Variants in HS1BP3 observed in about 807,000 individuals in gnomAD.
HS1BP3 encodes HCLS1 binding protein 3.
Under a neutral mutation model 33.5 loss-of-function variants are expected in HS1BP3, and 32 were observed. The ratio of observed to expected loss-of-function variants is 0.95; its 90% CI spans 0.72 to 1.28. The LOEUF (loss-of-function observed/expected upper bound fraction) is 1.28, where lower values mean the gene tolerates loss of function less well. Among genes scored for constraint, HS1BP3 ranks in the 50% most tolerant of loss-of-function variants. The pLI is 0.00. For missense variants in HS1BP3, 486 were observed against 502.3 expected (o/e 0.97, Z 0.31); for synonymous variants, 187 against 209.2 (o/e 0.89, Z 0.92).
chr2:20,641,317 G>C, intron 2 of HS1BP3, 137 bp from the exon 3 acceptor site: 1 of 705,150 alleles, frequency 1.4e-6, no homozygotes, highest in Non-Finnish European at 2.4e-6. Flanking sequence ...CCCTCTGCCT[G>C]TCTCCCAGCC....
chr2:20,626,499 G>A (rs1694788783), intron 4 of HS1BP3, among the ~76,000 whole-genome samples: 2 of 152,234 alleles, frequency 1.3e-5, no homozygotes, highest in Non-Finnish European at 2.9e-5. Context: ...TCATACTCAT[G>A]GTCCTATCCT....
chr2:20,593,136 A>T (rs867774942), intron 3 of HS1BP3, among the ~76,000 whole-genome samples: 9 of 149,712 alleles, frequency 6.0e-5, no homozygotes, highest in African/African-American at 1.7e-4. Context: ...GCCTTGGCAG[A>T]TGCTGGCCTT....
chr2:20,567,187 A>C (rs1202746790), intron 5 of HS1BP3, among the ~76,000 whole-genome samples: 1 of 151,864 alleles, frequency 6.6e-6, no homozygotes, highest in Non-Finnish European at 1.5e-5. Context: ...GATGTTACTG[A>C]GAAAAGGTCA....
intron 2 of HS1BP3, among the ~76,000 whole-genome samples, chr2:20,606,850 T>C (rs1694193442): frequency 6.6e-6 from 1 of 152,236 alleles, no homozygotes; most frequent in Admixed American, 6.5e-5. Flanking sequence ...TTCTAGACAC[T>C]AGATCCTTAA....
At chr2:20,571,045 T>G (rs1171611672) in intron 5 of HS1BP3, among the ~76,000 whole-genome samples, 1 of 152,144 alleles carries the variant, frequency 6.6e-6, no homozygotes, top group South Asian at 2.1e-4. Context: ...GTGAGGACAC[T>G]GGGGAGGGTC....
downstream of HS1BP3, among the ~76,000 whole-genome samples, chr2:20,556,366 C>G (rs1692840855): frequency 3.9e-5 from 6 of 152,124 alleles, 1 homozygote; most frequent in South Asian, 1.2e-3. Flanking sequence ...TCCTGACTGC[C>G]CATTCTGTAA....
chr2:20,574,744 A>C (rs1005811649), intron 5 of HS1BP3, among the ~76,000 whole-genome samples: 6 of 152,206 alleles, frequency 3.9e-5, no homozygotes, highest in Non-Finnish European at 8.8e-5. Context: ...GGCCTCCTGG[A>C]CACCTCACAG....
At chr2:20,554,859 T>C in the HS1BP3 span, among the ~76,000 whole-genome samples, 1 of 152,152 alleles carries the variant, frequency 6.6e-6, no homozygotes, top group Admixed American at 6.6e-5. Flanking sequence ...AAAAATATGA[T>C]CCTTGCATCC....
chr2:20,595,243 C>G (rs16987874), intron 3 of HS1BP3, among the ~76,000 whole-genome samples: 3 of 152,234 alleles, frequency 2.0e-5, no homozygotes, highest in Admixed American at 6.5e-5. Flanking sequence ...CGCCATGGCC[C>G]GGGAACAGAG....
chr2:20,626,114 C>T (rs34406892), intron 4 of HS1BP3, among the ~76,000 whole-genome samples: 10,099 of 152,218 alleles, frequency 0.066, 429 homozygotes, highest in East Asian at 0.13. Flanking sequence ...AAAACTGCAC[C>T]GAGAGGCTGG....
At chr2:20,637,715 T>C (rs1051190584) in intron 4 of HS1BP3, 1 of 152,094 alleles carries the variant, frequency 6.6e-6, no homozygotes, top group African/African-American at 2.4e-5. Context: ...TGGGCTCTAA[T>C]TCCTTTCTGC....
At chr2:20,634,321 T>A (rs974968958) in intron 4 of HS1BP3, among the ~76,000 whole-genome samples, 2 of 152,236 alleles carry the variant, frequency 1.3e-5, no homozygotes, top group Admixed American at 1.3e-4. Flanking sequence ...ACTCAAGAGC[T>A]TGTTAAAACA....
At chr2:20,588,952 T>C (rs113369295), downstream of HS1BP3, among the ~76,000 whole-genome samples, 2 of 152,292 alleles carry the variant, frequency 1.3e-5, no homozygotes, top group East Asian at 1.9e-4. Flanking sequence ...TTCGTGCTTG[T>C]CTCATGATCT....
intron 2 of HS1BP3, among the ~76,000 whole-genome samples, chr2:20,644,881 T>C (rs906639406): frequency 6.6e-6 from 1 of 152,146 alleles, no homozygotes; most frequent in Non-Finnish European, 1.5e-5. Context: ...TCTTCCCCGC[T>C]TCCTCCCAGG....
intron 2 of HS1BP3, among the ~76,000 whole-genome samples, chr2:20,610,208 A>G (rs1206604748): frequency 6.6e-6 from 1 of 152,216 alleles, no homozygotes; most frequent in African/African-American, 2.4e-5. Context: ...ACATGGACAC[A>G]TGGACGCCTC....
At chr2:20,645,184 C>T (rs894988848) in intron 2 of HS1BP3, among the ~76,000 whole-genome samples, 156 bp downstream of exon 2, 1 of 152,208 alleles carries the variant, frequency 6.6e-6, no homozygotes, top group Non-Finnish European at 1.5e-5. Flanking sequence ...CCCTGTGTCC[C>T]TTCTGTCTAG....
chr2:20,606,255 T>TA (rs1240490711), intron 2 of HS1BP3: 2 of 277,968 alleles, frequency 7.2e-6, no homozygotes, highest in African/African-American at 4.5e-5. Flanking sequence ...TTTATTTTTC[T>TA]AAATGTACAG....
chr2:20,571,444 A>G (rs951651877), intron 5 of HS1BP3, among the ~76,000 whole-genome samples: 3 of 152,164 alleles, frequency 2.0e-5, no homozygotes, highest in Non-Finnish European at 4.4e-5. Context: ...TTCCTGCCGA[A>G]CACTCCCCAC....
At chr2:20,585,856 C>A (rs1295203123) in intron 5 of HS1BP3, among the ~76,000 whole-genome samples, 1 of 152,196 alleles carries the variant, frequency 6.6e-6, no homozygotes, top group Non-Finnish European at 1.5e-5. Flanking sequence ...AGGCACGGCA[C>A]CTACTGTGTG....
Sources: gnomAD v4.1 joint callset for allele counts (sites outside exome capture counted in the v4.1 genomes callset) on GRCh38, gnomAD v4.1.1 for gene constraint, MANE v1.5 for transcripts, NCBI Gene and HGNC (gene_info 2026-07-23, HGNC 2026-07-21) for gene names.